EBF2: variants seen among roughly 807,000 people sequenced by gnomAD.
EBF2 encodes the protein EBF transcription factor 2.
A neutral mutation model predicts 72.8 loss-of-function variants in EBF2; 21 were observed. The observed-to-expected ratio is 0.29, with a 90% CI of 0.20 to 0.42. The LOEUF (loss-of-function observed/expected upper bound fraction) is 0.42. EBF2 is among the 10% of genes least tolerant of loss of function. The pLI, the probability that EBF2 is intolerant of heterozygous loss-of-function variation, is 1.00. For missense variants in EBF2, 637 were observed against 731.2 expected, an observed-to-expected ratio of 0.87 and a Z score of 1.49; for synonymous variants, 299 against 274.2, an observed-to-expected ratio of 1.09 and a Z score of -0.89.
chr8:25,985,376 CA>C (rs1354595961), intron 6 of EBF2, among the ~76,000 whole-genome samples: 11 of 152,174 alleles, frequency 7.2e-5, no homozygotes, highest in African/African-American at 2.7e-4. Flanking sequence ...GGGAGGCCTC[CA>C]GACAGCAAGG....
intron 6 of EBF2, among the ~76,000 whole-genome samples, chr8:25,945,088 G>GCCCCCCCCCCCCCCC (rs11461828): frequency 1.2e-4 from 15 of 127,474 alleles, no homozygotes; most frequent in African/African-American, 3.0e-4. Context: ...TTGTTCTGTT[G>GCCCCCCCCCCCCCCC]CCCCCCCCGC....
chr8:25,909,727 A>C (rs1274340486), intron 6 of EBF2, among the ~76,000 whole-genome samples: 2 of 152,218 alleles, frequency 1.3e-5, no homozygotes, highest in African/African-American at 4.8e-5. Context: ...CTCTCCAATT[A>C]AATGTATTTA....
At chr8:25,914,781 T>C (rs1803183299) in intron 6 of EBF2, among the ~76,000 whole-genome samples, 2 of 152,210 alleles carry the variant, frequency 1.3e-5, no homozygotes, top group Non-Finnish European at 2.9e-5. Context: ...ATCCATTTAG[T>C]TAAACAATCC....
At chr8:25,879,843 G>C (rs1273835877) in intron 10 of EBF2, among the ~76,000 whole-genome samples, 1 of 152,056 alleles carries the variant, frequency 6.6e-6, no homozygotes, top group African/African-American at 2.4e-5. Context: ...TTTGAATCTT[G>C]CCAACCTGAG....
rs184999176 is a variant in EBF2 at position 26,001,996 on chromosome 8, G to C, written c.551+31089C>G. 2.6e-5 allele frequency among the ~76,000 whole-genome samples: 4 copies of C among 152,308 alleles called. No individual in the cohort carries two copies. The East Asian group carries it at 7.7e-4, about 29-fold the overall frequency. On this transcript the variant is annotated intron_variant, in intron 6 of 15. Transcript: ENST00000520164. ...GAACTGAAATGCATTAAACTCACTA[G>C]GATTGTGATGAAAACTAAGAGAGCT...
Position 26,045,388 on chromosome 8 carries a change from C to A in EBF2, c.-529G>T, listed in dbSNP as rs1235849367. 6.6e-6 allele frequency: 1 copy of A among 152,326 alleles called. No individual in the cohort carries two copies. Among genetic ancestry groups the A allele is most frequent in the East Asian group, 1.9e-4 (1 of 5,188 alleles). 9.4% of individuals were successfully genotyped at this position (152,326 alleles called of 1,614,324 possible). ...GAGCCCGGCTGCAGCCGCGCGCGGGCCCCATGAATGGGTTACTACGGCCCT... is the reference window on the plus strand; with the variant it reads ...GAGCCCGGCTGCAGCCGCGCGCGGGACCCATGAATGGGTTACTACGGCCCT... On this transcript the variant is annotated 5_prime_UTR_variant, in exon 1 of 16. Coordinates refer to ENST00000520164, the MANE Select transcript of EBF2 (RefSeq NM_022659.4).
At chr8:25,987,311 G>A (rs1359681884) in intron 6 of EBF2, among the ~76,000 whole-genome samples, 1 of 152,094 alleles carries the variant, frequency 6.6e-6, no homozygotes, top group East Asian at 1.9e-4. Context: ...ACACTGGTTG[G>A]TACTATTATT....
chr8:26,045,077 C>T lies in EBF2; in HGVS notation c.-218G>A, dbSNP rs992944676. The T allele has an allele frequency of 2.1e-6, 1 of 484,320 alleles. No individual in the cohort carries two copies. Among genetic ancestry groups the T allele is most frequent in the Non-Finnish European group, 3.7e-6 (1 of 271,832 alleles). The allele number at this position is 484,320 out of a possible 1,614,324, so 30.0% of individuals were successfully genotyped here. On this transcript the variant is annotated 5_prime_UTR_variant, in exon 1 of 16. Coordinates refer to ENST00000520164, the MANE Select transcript of EBF2 (RefSeq NM_022659.4). ...TAGTCAAAGTTTGGGTTCTTATCCT[C>T]CGCAAGTTCAGATCTGCCGCCTCAG...
At chr8:26,025,291 C>T (rs576584615) in intron 6 of EBF2, among the ~76,000 whole-genome samples, 2 of 152,214 alleles carry the variant, frequency 1.3e-5, no homozygotes, top group Non-Finnish European at 2.9e-5. Context: ...TTTGTGAATA[C>T]GTATTTTTTG....
intron 6 of EBF2, among the ~76,000 whole-genome samples, chr8:25,954,029 C>T (rs1803903912): frequency 6.6e-6 from 1 of 152,118 alleles, no homozygotes; most frequent in East Asian, 1.9e-4. Flanking sequence ...TTTATTTAAA[C>T]AAGCTCCTTA....
chr8:25,985,836 T>C (rs1392061010), intron 6 of EBF2, among the ~76,000 whole-genome samples: 1 of 146,758 alleles, frequency 6.8e-6, no homozygotes, highest in Admixed American at 6.6e-5. Context: ...CCCCCATCTC[T>C]ACAAAAAATA....
intron 5 of EBF2, among the ~76,000 whole-genome samples, chr8:26,033,607 G>C (rs1309043602): frequency 6.6e-6 from 1 of 152,176 alleles, no homozygotes; most frequent in African/African-American, 2.4e-5. Flanking sequence ...GTGGTGCAGG[G>C]AGGGAGAGCC....
At chr8:26,040,844 A>T in intron 3 of EBF2, 95 bp downstream of exon 3, 1 of 1,566,366 alleles carries the variant, frequency 6.4e-7, no homozygotes, top group Non-Finnish European at 8.7e-7. Flanking sequence ...CCTGGGCTCC[A>T]TGCGATCCCT....
intron 6 of EBF2, among the ~76,000 whole-genome samples, chr8:26,028,505 G>A (rs1319037656): frequency 5.9e-5 from 9 of 152,150 alleles, no homozygotes; most frequent in East Asian, 3.9e-4. Flanking sequence ...TTATGGGGCT[G>A]ACAAGGACAG....
intron 6 of EBF2, among the ~76,000 whole-genome samples, chr8:26,013,897 C>T (rs17818173): frequency 0.01 from 1,575 of 152,264 alleles, 10 homozygotes; most frequent in Admixed American, 0.026. Context: ...TGCTATAACA[C>T]CTTCCCAAAC....
At chr8:25,862,612 C>A in intron 11 of EBF2, 97 bp downstream of exon 11, 1 of 883,962 alleles carries the variant, frequency 1.1e-6, no homozygotes, top group Non-Finnish European at 1.7e-6. Flanking sequence ...ATTTCAAGGC[C>A]TAATTAATTT....
intron 6 of EBF2, among the ~76,000 whole-genome samples, chr8:26,017,236 G>C (rs913172989): frequency 7.9e-5 from 12 of 151,860 alleles, no homozygotes; most frequent in African/African-American, 2.9e-4. Flanking sequence ...AGATTTTCCA[G>C]GTCCCTCATG....
intron 10 of EBF2, among the ~76,000 whole-genome samples, chr8:25,885,415 AACCCTTGGT>A (rs1802673000): frequency 6.6e-6 from 1 of 152,146 alleles, no homozygotes. Flanking sequence ...CTCCTCCCTT[AACCCTTGGT>A]ACCCACCATT....
chr8:25,989,334 C>G (rs1804510209), intron 6 of EBF2, among the ~76,000 whole-genome samples: 1 of 152,134 alleles, frequency 6.6e-6, no homozygotes, highest in Non-Finnish European at 1.5e-5. Flanking sequence ...TCACCATCTC[C>G]CATGTGACAT....
Sources: gnomAD v4.1 joint callset for allele counts (sites outside exome capture counted in the v4.1 genomes callset) on GRCh38, gnomAD v4.1.1 for gene constraint, MANE v1.5 for transcripts, NCBI Gene and HGNC (gene_info 2026-07-23, HGNC 2026-07-21) for gene names.